Variants in TBC1D2 observed in about 807,000 individuals in gnomAD.
TBC1D2 encodes the protein TBC1 domain family member 2, also known as TBC1 domain family member 2A.
TBC1D2 carries 58 observed loss-of-function variants against 91.1 expected under a neutral mutation model. The observed-to-expected ratio is 0.64, with a 90% confidence interval of 0.52 to 0.79. The LOEUF (loss-of-function observed/expected upper bound fraction) is 0.79, where lower values mean the gene tolerates loss of function less well. TBC1D2 is among the 30% of genes least tolerant of loss of function. The pLI, the probability that TBC1D2 is intolerant of heterozygous loss-of-function variation, is 0.00. For missense variants in TBC1D2, 1,080 were observed against 1,208.3 expected, an observed-to-expected ratio of 0.89 and a Z score of 1.57; for synonymous variants, 482 against 511.5, an observed-to-expected ratio of 0.94 and a Z score of 0.78.
At chr9:98,205,320 G>A (rs1034035812) in intron 9 of TBC1D2, among the ~76,000 whole-genome samples, 4 of 152,204 alleles carry the variant, frequency 2.6e-5, no homozygotes, top group Non-Finnish European at 5.9e-5. Flanking sequence ...CTTACTAACT[G>A]CTCAGGTGTA....
chr9:98,213,013 G>A, intron 7 of TBC1D2, 95 bp downstream of exon 7: 1 of 1,377,884 alleles, frequency 7.3e-7, no homozygotes, highest in Non-Finnish European at 1.0e-6. Context: ...GAGAGGGGCA[G>A]ACAGGAAATG....
intron 2 of TBC1D2, among the ~76,000 whole-genome samples, chr9:98,249,098 C>T (rs897106523): frequency 1.3e-5 from 2 of 152,126 alleles, no homozygotes; most frequent in Non-Finnish European, 2.9e-5. Context: ...CGTGGCTAAT[C>T]CAGGCCTTGC....
At chr9:98,219,545 C>T (rs1829045826) in intron 6 of TBC1D2, among the ~76,000 whole-genome samples, 1 of 152,206 alleles carries the variant, frequency 6.6e-6, no homozygotes, top group South Asian at 2.1e-4. Flanking sequence ...AGACTGGACG[C>T]AGACAAACCT....
At chr9:98,205,208 C>T (rs559880349) in intron 9 of TBC1D2, among the ~76,000 whole-genome samples, 1 of 152,304 alleles carries the variant, frequency 6.6e-6, no homozygotes, top group East Asian at 1.9e-4. Flanking sequence ...CCCTGTTCCC[C>T]CTGAGCCTCA....
At chr9:98,208,599 A>G (rs10985441) in intron 9 of TBC1D2, 69 bp downstream of exon 9, 850,916 of 1,460,806 alleles carry the variant, frequency 0.58, 249,736 homozygotes, top group African/African-American at 0.76. Flanking sequence ...GCCTGTCCAC[A>G]GTCTGAGGGT....
intron 6 of TBC1D2, among the ~76,000 whole-genome samples, chr9:98,219,043 G>A (rs901312774): frequency 6.6e-6 from 1 of 152,190 alleles, no homozygotes; most frequent in Non-Finnish European, 1.5e-5. Context: ...GAAAGGTTAT[G>A]TTTTTCTTTT....
At chr9:98,207,474 T>G (rs1159661393) in intron 9 of TBC1D2, among the ~76,000 whole-genome samples, 2 of 152,228 alleles carry the variant, frequency 1.3e-5, no homozygotes, top group Non-Finnish European at 2.9e-5. Context: ...GAGATAGCCC[T>G]GTGAACCAGG....
chr9:98,205,977 C>T (rs1828643514), intron 9 of TBC1D2, among the ~76,000 whole-genome samples: 1 of 152,090 alleles, frequency 6.6e-6, no homozygotes, highest in Admixed American at 6.6e-5. Flanking sequence ...TTTGAACAGG[C>T]TTTCTATTAT....
At chr9:98,202,048 G>A (rs747669566) in intron 10 of TBC1D2, among the ~76,000 whole-genome samples, 4 of 152,212 alleles carry the variant, frequency 2.6e-5, no homozygotes, top group Non-Finnish European at 5.9e-5. Context: ...TTGGCGAAAT[G>A]GAAGCTTTGT....
chr9:98,212,314 C>T (rs1417534144), intron 7 of TBC1D2, among the ~76,000 whole-genome samples: 1 of 152,150 alleles, frequency 6.6e-6, no homozygotes, highest in Non-Finnish European at 1.5e-5. Flanking sequence ...CTCCCTAGCC[C>T]TGCCCCCCAC....
intron 1 of TBC1D2, among the ~76,000 whole-genome samples, chr9:98,254,203 C>T (rs970597679): frequency 1.6e-4 from 25 of 152,200 alleles, no homozygotes; most frequent in African/African-American, 6.0e-4. Context: ...AAGGCTATCT[C>T]CTGGCACATT....
chr9:98,207,352 A>C (rs1828681616), intron 9 of TBC1D2, among the ~76,000 whole-genome samples: 1 of 152,246 alleles, frequency 6.6e-6, no homozygotes, highest in Non-Finnish European at 1.5e-5. Context: ...ATGTGTGTTT[A>C]AATTAAATCG....
chr9:98,208,733 G>A lies in TBC1D2; in HGVS notation c.2085C>T (p.Leu695=), dbSNP rs1360567304. Residue 695 remains leucine, a synonymous_variant, in exon 9 of 13, where the codon CTC becomes CTT. Coordinates refer to ENST00000465784, the MANE Select transcript of TBC1D2 (RefSeq NM_001267571.2). ...TCPTSSFPDK[L]RRVLLAFSWQ... ...AGGAGAAGGCCAGCAGCACCCGGCG[G>A]AGCTTGTCGGGGAAGCTGGAGGTGG... 1 of 1,559,890 alleles carries A rather than the reference G, an allele frequency of 6.4e-7. No individual in the cohort carries two copies.
intron 12 of TBC1D2, 115 bp from the exon 13 acceptor site, chr9:98,199,703 C>T: frequency 9.4e-7 from 1 of 1,067,202 alleles, no homozygotes; most frequent in Non-Finnish European, 1.4e-6. Flanking sequence ...GAGCCCTGAC[C>T]CCTGCCCTCA....
At chr9:98,218,391 C>T (rs976438909) in intron 6 of TBC1D2, among the ~76,000 whole-genome samples, 1 of 145,252 alleles carries the variant, frequency 6.9e-6, no homozygotes, top group African/African-American at 2.6e-5. Context: ...ATGGTGAAAC[C>T]CCGTCTCTAC....
intron 2 of TBC1D2, among the ~76,000 whole-genome samples, chr9:98,246,960 G>T (rs921806851): frequency 2.0e-5 from 3 of 151,934 alleles, no homozygotes; most frequent in Non-Finnish European, 4.4e-5. Context: ...CCTGGCTTTG[G>T]GTAGAAGATC....
chr9:98,218,824 G>A (rs1389618364), intron 6 of TBC1D2, among the ~76,000 whole-genome samples: 4 of 152,248 alleles, frequency 2.6e-5, no homozygotes, highest in East Asian at 3.9e-4. Context: ...CAGAGTAGAC[G>A]GGAACACAGG....
chr9:98,251,667 T>C, intron 2 of TBC1D2, 118 bp downstream of exon 2: 1 of 1,391,652 alleles, frequency 7.2e-7, no homozygotes, highest in Non-Finnish European at 9.3e-7. Context: ...TCCTGAGTCA[T>C]ATCCCTGGCT....
intron 9 of TBC1D2, among the ~76,000 whole-genome samples, chr9:98,208,431 C>T (rs1828712278): frequency 6.6e-6 from 1 of 152,192 alleles, no homozygotes; most frequent in East Asian, 1.9e-4. Flanking sequence ...GAACACATAA[C>T]CTAGATCCCT....
Sources: allele counts gnomAD v4.1 joint callset (sites outside exome capture counted in the v4.1 genomes callset), GRCh38; gene constraint gnomAD v4.1.1; transcripts MANE v1.5; gene names NCBI Gene and HGNC (gene_info 2026-07-23, HGNC 2026-07-21).